PPP3CC: variants seen among roughly 807,000 people sequenced by gnomAD.
PPP3CC encodes the protein serine/threonine-protein phosphatase 2B catalytic subunit gamma isoform.
In PPP3CC, 35 loss-of-function variants were observed where a neutral mutation model predicts 60.3. The ratio of observed to expected loss-of-function variants is 0.58; its 90% CI spans 0.44 to 0.77. The LOEUF (loss-of-function observed/expected upper bound fraction) is 0.77, where lower values mean the gene tolerates loss of function less well. PPP3CC is among the 30% of genes least tolerant of loss of function. The probability of loss-of-function intolerance (pLI) is 0.00; values close to 1 mark genes in which losing one functional copy is unlikely to be tolerated. For synonymous variants in PPP3CC, 206 were observed against 224.3 expected (o/e 0.92, Z 0.73); for missense variants, 570 against 628.9 (o/e 0.91, Z 1.00).
At chr8:22,533,057 C>T (rs555425409) in intron 12 of PPP3CC, 39 bp downstream of exon 12, 17 of 1,432,542 alleles carry the variant, frequency 1.2e-5, no homozygotes, top group Middle Eastern at 1.8e-4. Flanking sequence ...GGTGTGCTCC[C>T]GTTACCTAAC....
chr8:22,465,412 T>C (rs1329542592), intron 1 of PPP3CC, among the ~76,000 whole-genome samples: 3 of 152,156 alleles, frequency 2.0e-5, no homozygotes. Flanking sequence ...AAGGTACACA[T>C]ATACCCCTTG....
intron 12 of PPP3CC, among the ~76,000 whole-genome samples, chr8:22,537,265 A>T (rs1312073051): frequency 1.3e-5 from 2 of 152,224 alleles, no homozygotes; most frequent in African/African-American, 4.8e-5. Flanking sequence ...AATTGAATTG[A>T]CATTTTTCCC....
intron 3 of PPP3CC, among the ~76,000 whole-genome samples, chr8:22,484,351 A>G (rs1039127489): frequency 6.6e-5 from 10 of 152,000 alleles, no homozygotes; most frequent in Non-Finnish European, 1.3e-4. Context: ...ATATATATAT[A>G]ATATAAGCAT....
chr8:22,464,478 C>G (rs865996171), intron 1 of PPP3CC, among the ~76,000 whole-genome samples: 4 of 152,212 alleles, frequency 2.6e-5, no homozygotes, highest in South Asian at 2.1e-4. Flanking sequence ...CTCCTGGGCT[C>G]AAGTGATTTT....
chr8:22,535,545 T>C (rs561523744), intron 12 of PPP3CC, among the ~76,000 whole-genome samples: 162 of 152,198 alleles, frequency 1.1e-3, no homozygotes, highest in African/African-American at 3.6e-3. Flanking sequence ...GGCTAGAATG[T>C]AATGGCTAGG....
Position 22,528,561 on chromosome 8 carries a change from T to C in PPP3CC, c.1125T>C (p.Ser375=). 6.4e-7 allele frequency: 1 copy of C among 1,554,688 alleles called. No individual in the cohort carries two copies. Among genetic ancestry groups the C allele is most frequent in the Non-Finnish European group, 8.7e-7 (1 of 1,145,350 alleles). ...LNICSDDELI[S]DDEAEGSTTV... is the part of the protein sequence containing the mutation. The stretch of plus-strand genomic sequence containing the variant: ...TATGCTCTGATGACGAACTGATTTC[T>C]GATGATGAAGCAGAAGGTAAACTTT... The change falls in exon 10 of 14, where the codon TCT becomes TCC. Residue 375 remains serine (S), a synonymous_variant. Coordinates refer to ENST00000240139, the MANE Select transcript of PPP3CC (RefSeq NM_005605.5).
intron 12 of PPP3CC, among the ~76,000 whole-genome samples, chr8:22,536,157 T>A (rs1839840681): frequency 6.6e-6 from 1 of 152,284 alleles, no homozygotes; most frequent in African/African-American, 2.4e-5. Context: ...ATTTTCCTAG[T>A]TCCTTTAGTT....
intron 11 of PPP3CC, among the ~76,000 whole-genome samples, chr8:22,532,701 C>G (rs1322533846): frequency 6.6e-6 from 1 of 152,108 alleles, no homozygotes; most frequent in Admixed American, 6.6e-5. Flanking sequence ...TAGAACAGTG[C>G]CTGGCTGTTA....
intron 1 of PPP3CC, among the ~76,000 whole-genome samples, chr8:22,457,506 C>T (rs991719303): frequency 6.6e-6 from 1 of 151,702 alleles, no homozygotes; most frequent in Non-Finnish European, 1.5e-5. Context: ...GAGGGTTTCA[C>T]GATGTTGGCC....
At chr8:22,493,561 T>A (rs997748411) in intron 3 of PPP3CC, among the ~76,000 whole-genome samples, 15 of 152,100 alleles carry the variant, frequency 9.9e-5, no homozygotes, top group African/African-American at 3.6e-4. Flanking sequence ...TAAAATTTTT[T>A]GGTAAGAATG....
At chr8:22,533,759 A>G (rs940472213) in intron 12 of PPP3CC, among the ~76,000 whole-genome samples, 4 of 152,232 alleles carry the variant, frequency 2.6e-5, no homozygotes, top group Non-Finnish European at 5.9e-5. Context: ...CGGGAGGCGG[A>G]GGTTGCAGTG....
rs965005008 is a variant in PPP3CC, at chr8:22,510,830, T to G, written c.485-256T>G. 4 of 397,790 alleles carry G rather than the reference T, an allele frequency of 1.0e-5. No individual in the cohort carries two copies. The South Asian group carries it at 1.2e-4, about 12-fold the overall frequency. The allele number at this position is 397,790 out of a possible 1,614,324, so 24.6% of individuals were successfully genotyped here. ...CAAGCCATGTTGCCTAATAACACAGTGGACAGTCACCTTATCACATTTCCA... is the reference window on the plus strand; with the variant it reads ...CAAGCCATGTTGCCTAATAACACAGGGGACAGTCACCTTATCACATTTCCA... On this transcript the variant is annotated intron_variant, in intron 4 of 13. Coordinates refer to ENST00000240139, the MANE Select transcript of PPP3CC (RefSeq NM_005605.5).
At chr8:22,447,509 A>C (rs1289173160) in intron 1 of PPP3CC, among the ~76,000 whole-genome samples, 1 of 151,488 alleles carries the variant, frequency 6.6e-6, no homozygotes, top group Non-Finnish European at 1.5e-5. Context: ...ATAGAGGTGG[A>C]GTTTCGCCCT....
intron 1 of PPP3CC, among the ~76,000 whole-genome samples, chr8:22,450,604 A>G (rs1169343240): frequency 2.6e-5 from 4 of 152,166 alleles, no homozygotes; most frequent in Non-Finnish European, 2.9e-5. Flanking sequence ...GAGACTATGT[A>G]GTCTGTCCAC....
rs116343412 is a variant in PPP3CC at position 22,454,519 on chromosome 8, A to G, written c.49+13061A>G. ...AATGATTAAAAGGGTGGTATAGTGA[A>G]TGTATAAGCCAGTAACATATTTGTT... On this transcript the variant is annotated intron_variant, in intron 1 of 13. Transcript: ENST00000240139. 3.1e-3 allele frequency among the ~76,000 whole-genome samples: 478 copies of G among 152,324 alleles called. 3 individuals carry two copies. Among genetic ancestry groups the G allele is most frequent in the African/African-American group, 0.011 (453 of 41,558 alleles).
In PPP3CC at chr8:22,490,143, T is replaced by A. The variant is rs567638981; in HGVS notation, c.373-7858T>A. On this transcript the variant is annotated intron_variant, in intron 3 of 13. Transcript: ENST00000240139. Reference sequence around the variant, plus strand: ...GAGCCAATACATCTAATATATTAATTTTTTAATGTATAGAGCTTTTACAGA... The same window carrying A: ...GAGCCAATACATCTAATATATTAATATTTTAATGTATAGAGCTTTTACAGA... Among the ~76,000 whole-genome samples the A allele has an allele frequency of 1.5e-3, 224 of 152,216 alleles. 3 individuals carry two copies. Among genetic ancestry groups the A allele is most frequent in the African/African-American group, 5.1e-3 (213 of 41,546 alleles).
rs375751191 is a variant in PPP3CC, at chr8:22,503,000, G to A, written c.484+4888G>A. On this transcript the variant is annotated intron_variant, in intron 4 of 13. Coordinates refer to ENST00000240139, the MANE Select transcript of PPP3CC (RefSeq NM_005605.5). ...GCTGGGACTATAAGTGCATGCCATC[G>A]CGCATGGCTTACTTTTAATTTTATA... Among the ~76,000 whole-genome samples, 243 of 151,932 alleles carry A rather than the reference G, an allele frequency of 1.6e-3. 3 individuals carry two copies. The highest frequency in any genetic ancestry group is 2.1e-3 in the Non-Finnish European group (141 of 67,994).
rs998887073 is a variant in PPP3CC at position 22,511,169 on chromosome 8, C to A, written c.568C>A (p.Gln190Lys). The A allele has an allele frequency of 6.2e-6, 10 of 1,613,608 alleles. No homozygotes were observed. Among genetic ancestry groups the A allele is most frequent in the Non-Finnish European group, 8.5e-6 (10 of 1,179,618 alleles). ...CLPLAALLNQ[Q>K]FLCVHGGMSP... ...TCCTCTTGCTGCCCTCTTAAACCAGCAGTTTCTCTGTGTACATGGAGGAAT... is the reference window on the plus strand; with the variant it reads ...TCCTCTTGCTGCCCTCTTAAACCAGAAGTTTCTCTGTGTACATGGAGGAAT... The change falls in exon 5 of 14, where the codon CAG becomes AAG. Residue 190 changes from glutamine (Q) to lysine (K), a missense_variant. Gln to Lys is a moderately conservative substitution (Grantham distance 53). Coordinates refer to ENST00000240139, the MANE Select transcript of PPP3CC (RefSeq NM_005605.5).
chr8:22,475,578 A>G lies in PPP3CC; in HGVS notation c.326A>G (p.Tyr109Cys), dbSNP rs1236964499. ...GGAGGATCACCTAGTAACACACGCTACCTCTTTCTGGGTGACTATGTGGAC... is the reference window on the plus strand; with the variant it reads ...GGAGGATCACCTAGTAACACACGCTGCCTCTTTCTGGGTGACTATGTGGAC... ...EVGGSPSNTR[Y>C]LFLGDYVDRG... Residue 109 changes from tyrosine (Y) to cysteine (C), a missense_variant, in exon 3 of 14, where the codon TAC (tyrosine) becomes TGC (cysteine). Transcript: ENST00000240139. 6.2e-7 allele frequency: 1 copy of G among 1,613,246 alleles called. No individual in the cohort carries two copies. The highest frequency in any genetic ancestry group is 1.1e-5 in the South Asian group (1 of 91,054).
Sources: allele counts gnomAD v4.1 joint callset (sites outside exome capture counted in the v4.1 genomes callset), GRCh38; gene constraint gnomAD v4.1.1; transcripts MANE v1.5; gene names NCBI Gene and HGNC (gene_info 2026-07-23, HGNC 2026-07-21).